Variants in TUBD1 observed in about 807,000 individuals in gnomAD.
TUBD1 encodes tubulin delta 1, also known as tubulin delta chain.
TUBD1 carries 38 observed loss-of-function variants against 51.2 expected under a neutral mutation model. That is an observed-to-expected ratio of 0.74 (90% CI 0.57 to 0.97). The LOEUF is 0.97. Ranked by LOEUF, TUBD1 falls within the 50% of genes least tolerant of loss-of-function variation. The pLI, the probability that TUBD1 is intolerant of heterozygous loss-of-function variation, is 0.00. For synonymous variants in TUBD1, 169 were observed against 178.2 expected (o/e 0.95, Z 0.41); for missense variants, 489 against 538.4 (o/e 0.91, Z 0.91).
rs748887253 is a variant in TUBD1 at position 59,880,883 on chromosome 17, C to G, written c.537+11G>C. Reference sequence around the variant, plus strand: ...CATAAAACATAAACTTTTCAATTAACATGTCCATACCTCACCAGTTCCATA... The same window carrying G: ...CATAAAACATAAACTTTTCAATTAAGATGTCCATACCTCACCAGTTCCATA... On this transcript the variant is annotated intron_variant, in intron 4 of 8. Coordinates refer to ENST00000325752, the MANE Select transcript of TUBD1 (RefSeq NM_016261.4). The G allele has an allele frequency of 1.2e-6, 2 of 1,604,942 alleles. No individual in the cohort carries two copies. The highest frequency in any genetic ancestry group is 1.1e-5 in the South Asian group (1 of 90,664).
chr17:59,875,594 T>C (rs2040189869), intron 5 of TUBD1, among the ~76,000 whole-genome samples: 1 of 151,776 alleles, frequency 6.6e-6, no homozygotes, highest in African/African-American at 2.4e-5. Flanking sequence ...ACACTGTTTC[T>C]ATTAAAAATA....
intron 5 of TUBD1, among the ~76,000 whole-genome samples, chr17:59,877,889 G>A (rs1265333348): frequency 2.6e-5 from 4 of 151,870 alleles, no homozygotes; most frequent in Admixed American, 6.6e-5. Context: ...AGAAGAGAAA[G>A]AATCCTGAAG....
chr17:59,879,891 T>G (rs1158117666), intron 4 of TUBD1, among the ~76,000 whole-genome samples: 1 of 151,880 alleles, frequency 6.6e-6, no homozygotes, highest in African/African-American at 2.4e-5. Flanking sequence ...TACCTGGGAC[T>G]ACAGGTGTGT....
chr17:59,875,970 C>T (rs945106064), intron 5 of TUBD1, among the ~76,000 whole-genome samples: 2 of 152,076 alleles, frequency 1.3e-5, no homozygotes, highest in African/African-American at 4.8e-5. Flanking sequence ...AACTTTATAA[C>T]ACTGAGTACA....
intron 6 of TUBD1, among the ~76,000 whole-genome samples, chr17:59,867,088 C>A (rs1054609417): frequency 5.9e-5 from 9 of 152,112 alleles, no homozygotes; most frequent in Non-Finnish European, 1.3e-4. Flanking sequence ...AGCCACTGCA[C>A]CCAGCCCAAA....
intron 5 of TUBD1, among the ~76,000 whole-genome samples, chr17:59,877,677 C>G (rs1029045641): frequency 1.3e-5 from 2 of 151,572 alleles, no homozygotes; most frequent in African/African-American, 4.9e-5. Context: ...ACTCAGGAGG[C>G]TGAAATAGGA....
intron 3 of TUBD1, among the ~76,000 whole-genome samples, chr17:59,882,030 T>C (rs2040511365): frequency 6.6e-6 from 1 of 152,104 alleles, no homozygotes; most frequent in Non-Finnish European, 1.5e-5. Context: ...AACTGTATTA[T>C]TGAATACTAG....
chr17:59,869,433 C>A (rs1272179658), intron 6 of TUBD1, among the ~76,000 whole-genome samples: 1 of 151,710 alleles, frequency 6.6e-6, no homozygotes, highest in Non-Finnish European at 1.5e-5. Flanking sequence ...CAAGATCGCG[C>A]CACTGCACTC....
chr17:59,891,154 G>A (rs1018664345), intron 1 of TUBD1, 113 bp from the exon 2 acceptor site: 32 of 599,226 alleles, frequency 5.3e-5, no homozygotes, highest in African/African-American at 2.9e-4. Flanking sequence ...CCCCTGAGAC[G>A]GAGTCTTGTT....
chr17:59,863,923 C>T (rs2039580484), intron 7 of TUBD1, 76 bp from the exon 8 acceptor site: 3 of 1,210,614 alleles, frequency 2.5e-6, no homozygotes, highest in Non-Finnish European at 3.3e-6. Flanking sequence ...CAGATATTTT[C>T]TTGTCTATTT....
intron 2 of TUBD1, among the ~76,000 whole-genome samples, chr17:59,887,155 C>T (rs2040774993): frequency 6.6e-6 from 1 of 152,034 alleles, no homozygotes; most frequent in Non-Finnish European, 1.5e-5. Flanking sequence ...CATTGCACTC[C>T]AGCCTGAGCA....
chr17:59,889,010 C>CTTTT lies in TUBD1; in HGVS notation c.172+1817_172+1820dup, dbSNP rs756097623. 1.8e-3 allele frequency among the ~76,000 whole-genome samples: 99 copies of CTTTT among 55,788 alleles called. 1 individual carries two copies. The highest frequency in any genetic ancestry group is 6.6e-3 in the East Asian group (11 of 1,656). The allele number at this position is 55,788 out of a possible 152,430, so 36.6% of individuals were successfully genotyped here. On this transcript the variant is annotated intron_variant, in intron 2 of 8. Coordinates refer to ENST00000325752, the MANE Select transcript of TUBD1 (RefSeq NM_016261.4). ...TACAGGGATGAGCCACCATGCCTGGCTTTTTTTTTTTTTTTTTTTTTTTGA... is the reference window on the plus strand; with the variant it reads ...TACAGGGATGAGCCACCATGCCTGGCTTTTTTTTTTTTTTTTTTTTTTTTTTTGA...
chr17:59,890,604 C>T (rs2040954735), intron 2 of TUBD1, among the ~76,000 whole-genome samples: 1 of 152,158 alleles, frequency 6.6e-6, no homozygotes, highest in Non-Finnish European at 1.5e-5. Context: ...GAAAGCCAGT[C>T]AATAGATGAG....
intron 6 of TUBD1, among the ~76,000 whole-genome samples, chr17:59,871,140 C>T (rs1484376960): frequency 1.3e-5 from 2 of 152,196 alleles, no homozygotes; most frequent in Non-Finnish European, 2.9e-5. Context: ...GATTCCCAAC[C>T]TAGAATCCTA....
intron 2 of TUBD1, among the ~76,000 whole-genome samples, chr17:59,887,079 C>T (rs559562140): frequency 1.5e-4 from 23 of 151,408 alleles, no homozygotes; most frequent in South Asian, 6.3e-4. Context: ...CCAGCTACTC[C>T]GGAGGCTGAG....
rs1260537914 is a variant in TUBD1 at position 59,860,188 on chromosome 17, T to C, written c.*134A>G. The C allele has an allele frequency of 6.3e-6, 4 of 634,538 alleles. No individual in the cohort carries two copies. Among genetic ancestry groups the C allele is most frequent in the Non-Finnish European group, 1.0e-5 (4 of 385,086 alleles). 39.3% of individuals were successfully genotyped at this position (634,538 alleles called of 1,614,324 possible). The stretch of plus-strand genomic sequence containing the variant: ...CCGCCACCGCGCCTGGCTAATTTTT[T>C]GTATTTTCTGGTAGAGACGGTGTTT... On this transcript the variant is annotated 3_prime_UTR_variant, in exon 9 of 9. Coordinates refer to ENST00000325752, the MANE Select transcript of TUBD1 (RefSeq NM_016261.4).
At chr17:59,872,211 C>G (rs2040013432) in intron 6 of TUBD1, among the ~76,000 whole-genome samples, 2 of 152,136 alleles carry the variant, frequency 1.3e-5, no homozygotes, top group Admixed American at 1.3e-4. Flanking sequence ...CCTCGGCCTC[C>G]CAAAGTGCTG....
chr17:59,885,822 TG>T (rs1325474047), intron 3 of TUBD1, among the ~76,000 whole-genome samples: 1 of 152,172 alleles, frequency 6.6e-6, no homozygotes, highest in Non-Finnish European at 1.5e-5. Context: ...GACATTACAT[TG>T]GTAAGTTAGT....
At chr17:59,883,528 G>A (rs1196570053) in intron 3 of TUBD1, among the ~76,000 whole-genome samples, 4 of 151,684 alleles carry the variant, frequency 2.6e-5, no homozygotes, top group African/African-American at 7.3e-5. Context: ...TCGGCCTCTC[G>A]CAAAGTGCTG....
Sources: gnomAD v4.1 joint callset for allele counts (sites outside exome capture counted in the v4.1 genomes callset) on GRCh38, gnomAD v4.1.1 for gene constraint, MANE v1.5 for transcripts, NCBI Gene and HGNC (gene_info 2026-07-23, HGNC 2026-07-21) for gene names.